Variants in PDZRN4 observed in about 807,000 individuals in gnomAD.
PDZRN4 encodes the protein PDZ domain containing ring finger 4.
Under a neutral mutation model 99.0 loss-of-function variants are expected in PDZRN4, and 70 were observed. That is an observed-to-expected ratio of 0.71 (90% CI 0.58 to 0.86). The LOEUF (loss-of-function observed/expected upper bound fraction) is 0.86. Ranked by LOEUF, PDZRN4 falls within the 40% of genes least tolerant of loss-of-function variation. PDZRN4 has a pLI of 0.00. For missense variants in PDZRN4, 1,474 were observed against 1,331.2 expected, an observed-to-expected ratio of 1.11 and a Z score of -1.67; for synonymous variants, 551 against 501.6, an observed-to-expected ratio of 1.10 and a Z score of -1.32.
chr12:41,205,540 G>T (rs577924825), intron 3 of PDZRN4, among the ~76,000 whole-genome samples: 1 of 151,722 alleles, frequency 6.6e-6, no homozygotes, highest in South Asian at 2.1e-4. Flanking sequence ...GCACTTTCCC[G>T]TCTCAAGGAC....
chr12:41,490,102 A>T (rs1456191513), intron 3 of PDZRN4, among the ~76,000 whole-genome samples: 2 of 152,170 alleles, frequency 1.3e-5, no homozygotes, highest in Non-Finnish European at 2.9e-5. Context: ...CTTATTTAAG[A>T]TGTGGATAAT....
At chr12:41,467,049 A>G (rs753531204) in intron 3 of PDZRN4, among the ~76,000 whole-genome samples, 18 of 152,246 alleles carry the variant, frequency 1.2e-4, no homozygotes, top group Non-Finnish European at 2.4e-4. Flanking sequence ...AAGGAACACA[A>G]TGAATAACTA....
At chr12:41,334,812 A>T (rs1432202083) in intron 3 of PDZRN4, among the ~76,000 whole-genome samples, 2 of 152,166 alleles carry the variant, frequency 1.3e-5, no homozygotes, top group African/African-American at 4.8e-5. Context: ...CTTGTGTTCT[A>T]GATTGGTTAA....
chr12:41,357,210 A>AAC (rs1951934093), intron 3 of PDZRN4, among the ~76,000 whole-genome samples: 1 of 151,552 alleles, frequency 6.6e-6, no homozygotes, highest in Admixed American at 6.6e-5. Context: ...CAAAAACACG[A>AAC]ACACACACAC....
chr12:41,378,226 G>C (rs1324735363), intron 3 of PDZRN4, among the ~76,000 whole-genome samples: 3 of 152,080 alleles, frequency 2.0e-5, no homozygotes, highest in African/African-American at 7.2e-5. Context: ...GGCATCTACT[G>C]AAATTATCAT....
intron 3 of PDZRN4, among the ~76,000 whole-genome samples, chr12:41,430,017 A>C (rs544809841): frequency 6.6e-6 from 1 of 152,184 alleles, no homozygotes; most frequent in Non-Finnish European, 1.5e-5. Flanking sequence ...GATCAAATAA[A>C]TAAAGCCAAC....
At chr12:41,559,182 C>CAT (rs1338832967) in intron 7 of PDZRN4, among the ~76,000 whole-genome samples, 1 of 80,386 alleles carries the variant, frequency 1.2e-5, no homozygotes, top group Non-Finnish European at 2.3e-5. Context: ...CACACACATA[C>CAT]ATACACACAC....
chr12:41,250,589 A>G, intron 3 of PDZRN4, among the ~76,000 whole-genome samples: 1 of 152,230 alleles, frequency 6.6e-6, no homozygotes, highest in African/African-American at 2.4e-5. Context: ...TTACATTATT[A>G]ACTGGAGAAA....
At chr12:41,461,441 A>T (rs549191428) in intron 3 of PDZRN4, among the ~76,000 whole-genome samples, 1 of 152,110 alleles carries the variant, frequency 6.6e-6, no homozygotes, top group Non-Finnish European at 1.5e-5. Flanking sequence ...TCATCATTAC[A>T]TGTGGTATTT....
At chr12:41,259,715 G>A (rs7316559) in intron 3 of PDZRN4, among the ~76,000 whole-genome samples, 8,237 of 152,048 alleles carry the variant, frequency 0.054, 247 homozygotes, top group Non-Finnish European at 0.06. Flanking sequence ...TATATTGGCC[G>A]GACTGATTAC....
intron 3 of PDZRN4, among the ~76,000 whole-genome samples, chr12:41,383,228 T>C (rs1282096521): frequency 6.6e-6 from 1 of 152,178 alleles, no homozygotes; most frequent in Non-Finnish European, 1.5e-5. Context: ...AGCACACTAT[T>C]TCATCAGTTT....
intron 3 of PDZRN4, among the ~76,000 whole-genome samples, chr12:41,301,142 T>G (rs1253358599): frequency 2.0e-5 from 3 of 152,058 alleles, no homozygotes; most frequent in East Asian, 1.9e-4. Context: ...TCATACACTC[T>G]TTAGGTTATT....
In PDZRN4 at chr12:41,249,153, A is replaced by G. The variant is rs532825019; in HGVS notation, c.843+54965A>G. On this transcript the variant is annotated intron_variant, in intron 3 of 9. Coordinates refer to ENST00000402685, the MANE Select transcript of PDZRN4 (RefSeq NM_001164595.2). ...TATACACACACAGAGATAGAGAATC[A>G]GTTTCAAAAAGATAATTATAAGACT... is the stretch of plus-strand genomic sequence containing the variant. Among the ~76,000 whole-genome samples, 11 of 152,330 alleles carry G rather than the reference A, an allele frequency of 7.2e-5. 1 individual carries two copies. In the South Asian group the frequency reaches 2.1e-3, roughly 29 times the overall value.
chr12:41,279,079 C>T (rs1185850765), intron 3 of PDZRN4, among the ~76,000 whole-genome samples: 1 of 152,178 alleles, frequency 6.6e-6, no homozygotes, highest in East Asian at 1.9e-4. Flanking sequence ...TTAAGTGACT[C>T]TCAAAGGGCA....
chr12:41,329,830 T>C (rs1053871452), intron 3 of PDZRN4, among the ~76,000 whole-genome samples: 3 of 152,088 alleles, frequency 2.0e-5, no homozygotes, highest in African/African-American at 4.8e-5. Context: ...AGTATTTCTG[T>C]AGAGTAAACC....
chr12:41,271,135 TTAAAACAA>T (rs779970715), intron 3 of PDZRN4, among the ~76,000 whole-genome samples: 15 of 152,238 alleles, frequency 9.9e-5, no homozygotes, highest in Non-Finnish European at 2.1e-4. Flanking sequence ...TCTCATCAGC[TTAAAACAA>T]TATAGCTATT....
chr12:41,558,636 G>A (rs1425016342), intron 7 of PDZRN4, among the ~76,000 whole-genome samples: 2 of 152,166 alleles, frequency 1.3e-5, no homozygotes, highest in African/African-American at 2.4e-5. Flanking sequence ...GAAAATACCT[G>A]CTAGATAATA....
In PDZRN4 at chr12:41,206,488, A is replaced by G. The variant is rs533533528; in HGVS notation, c.843+12300A>G. On this transcript the variant is annotated intron_variant, in intron 3 of 9. Coordinates refer to ENST00000402685, the MANE Select transcript of PDZRN4 (RefSeq NM_001164595.2). ...TCAGTCTCCTGTTTTATCACGTACC[A>G]TATTAATAAATTATTAAGCTTAATT... 3.6e-4 allele frequency among the ~76,000 whole-genome samples: 53 copies of G among 147,140 alleles called. 1 individual carries two copies. Among genetic ancestry groups the G allele is most frequent in the African/African-American group, 1.4e-3 (52 of 37,112 alleles).
chr12:41,552,667 G>A lies in PDZRN4; in HGVS notation c.1215G>A (p.Leu405=), dbSNP rs1478462912. Residue 405 remains leucine, a synonymous_variant, in exon 6 of 10, where the codon TTG becomes TTA. Transcript: ENST00000402685. ...TEDFEYEEVE[L]CRVSSQEKLG... is the part of the protein sequence containing the mutation. ...TGTTGTTCTTTCAGGAGGTCGAGTT[G>A]TGTCGTGTTAGCAGTCAAGAGAAGC... The A allele has an allele frequency of 1.2e-6, 2 of 1,613,320 alleles. No individual in the cohort carries two copies. The highest frequency in any genetic ancestry group is 2.2e-5 in the South Asian group (2 of 91,062).
Sources: allele counts gnomAD v4.1 joint callset (sites outside exome capture counted in the v4.1 genomes callset), GRCh38; gene constraint gnomAD v4.1.1; transcripts MANE v1.5; gene names NCBI Gene and HGNC (gene_info 2026-07-23, HGNC 2026-07-21).